Variants in PDGFD observed in about 807,000 individuals in gnomAD.
PDGFD encodes platelet derived growth factor D.
In PDGFD, 30 loss-of-function variants were observed where a neutral mutation model predicts 44.7. The ratio of observed to expected loss-of-function variants is 0.67; its 90% CI spans 0.50 to 0.91. The LOEUF (loss-of-function observed/expected upper bound fraction) is 0.91. PDGFD is among the 40% of genes least tolerant of loss of function. PDGFD has a pLI of 0.00. For synonymous variants in PDGFD, 173 were observed against 168.4 expected, an observed-to-expected ratio of 1.03 and a Z score of -0.21; for missense variants, 445 against 457.8, an observed-to-expected ratio of 0.97 and a Z score of 0.25.
chr11:104,103,665 G>T lies in PDGFD; in HGVS notation c.124+60139C>A, dbSNP rs1223281751. On this transcript the variant is annotated intron_variant, in intron 1 of 6. Coordinates refer to ENST00000393158, the MANE Select transcript of PDGFD (RefSeq NM_025208.5). ...ATATTGGAGCTGAAAATATCCTATT[G>T]CCTAAAGATACTGCAGCCATCCTAA... is the stretch of plus-strand genomic sequence containing the variant. Among the ~76,000 whole-genome samples, 4 of 151,588 alleles carry T rather than the reference G, an allele frequency of 2.6e-5. No individual in the cohort carries two copies. In the East Asian group the frequency reaches 5.8e-4, roughly 22 times the overall value.
At chr11:103,948,688 C>G (rs1858698552) in intron 3 of PDGFD, among the ~76,000 whole-genome samples, 1 of 152,066 alleles carries the variant, frequency 6.6e-6, no homozygotes, top group Admixed American at 6.5e-5. Context: ...GCTTATTTAT[C>G]CAAGTATACC....
intron 1 of PDGFD, among the ~76,000 whole-genome samples, chr11:104,082,052 A>G (rs1861051699): frequency 6.7e-6 from 1 of 149,178 alleles, no homozygotes; most frequent in African/African-American, 2.5e-5. Context: ...TAGAGGTGCC[A>G]GTTATTGCCA....
intron 1 of PDGFD, among the ~76,000 whole-genome samples, chr11:104,120,607 C>T (rs1861764321): frequency 6.6e-6 from 1 of 151,896 alleles, no homozygotes; most frequent in Admixed American, 6.6e-5. Flanking sequence ...TGTATGTTTA[C>T]TATCTCGAGA....
intron 1 of PDGFD, among the ~76,000 whole-genome samples, chr11:104,143,703 A>ATACATC (rs1262126930): frequency 6.6e-6 from 1 of 152,222 alleles, no homozygotes; most frequent in East Asian, 1.9e-4. Flanking sequence ...TTTTACTAGT[A>ATACATC]TACATCTAGC....
intron 1 of PDGFD, among the ~76,000 whole-genome samples, chr11:104,001,260 G>A (rs1356948630): frequency 2.0e-5 from 3 of 152,192 alleles, no homozygotes; most frequent in Non-Finnish European, 4.4e-5. Flanking sequence ...TTTCCCAGGT[G>A]GGGATACACA....
intron 3 of PDGFD, among the ~76,000 whole-genome samples, chr11:103,983,004 A>G (rs1434482465): frequency 6.6e-6 from 1 of 151,886 alleles, no homozygotes; most frequent in East Asian, 1.9e-4. Flanking sequence ...AAAGAAATTT[A>G]TAGATTCAAT....
At chr11:104,087,833 T>C (rs1422565953) in intron 1 of PDGFD, among the ~76,000 whole-genome samples, 1 of 152,198 alleles carries the variant, frequency 6.6e-6, no homozygotes, top group Non-Finnish European at 1.5e-5. Context: ...GCCTAGAGCA[T>C]TTTCATTTGG....
At position 103,948,939 on chromosome 11, in the gene PDGFD, T is replaced by G. The variant is rs531821917; in HGVS notation, c.511-1215A>C. The stretch of plus-strand genomic sequence containing the variant: ...AACAAACCACCATGTATCCCAGAAC[T>G]TAAAGTAAAAAAAGAAAGAAAGAAA... On this transcript the variant is annotated intron_variant, in intron 3 of 6. Coordinates refer to ENST00000393158, the MANE Select transcript of PDGFD (RefSeq NM_025208.5). 4.1e-5 allele frequency among the ~76,000 whole-genome samples: 5 copies of G among 122,868 alleles called. No individual in the cohort carries two copies. In the East Asian group the frequency reaches 1.2e-3, roughly 29 times the overall value. 80.6% of individuals were successfully genotyped at this position (122,868 alleles called of 152,430 possible).
intron 1 of PDGFD, among the ~76,000 whole-genome samples, chr11:104,010,074 A>G (rs2134374010): frequency 6.6e-6 from 1 of 152,320 alleles, no homozygotes; most frequent in East Asian, 1.9e-4. Context: ...AACATCAGAC[A>G]TTTATTTAGA....
intron 1 of PDGFD, among the ~76,000 whole-genome samples, chr11:104,109,887 C>T (rs11226165): frequency 0.23 from 34,808 of 151,918 alleles, 4,312 homozygotes; most frequent in Middle Eastern, 0.46. Context: ...GTATTCTGTG[C>T]TCAGTGCACC....
At chr11:103,970,037 G>A (rs955623983) in intron 3 of PDGFD, among the ~76,000 whole-genome samples, 1 of 151,842 alleles carries the variant, frequency 6.6e-6, no homozygotes, top group African/African-American at 2.4e-5. Flanking sequence ...TTTAAGAGAG[G>A]GGTTAAATTA....
chr11:104,043,017 T>A (rs1860383726), intron 1 of PDGFD, among the ~76,000 whole-genome samples: 1 of 152,028 alleles, frequency 6.6e-6, no homozygotes, highest in South Asian at 2.1e-4. Flanking sequence ...CATTGGCCAA[T>A]ATCATGCAGA....
At chr11:104,098,530 G>T (rs575914612) in intron 1 of PDGFD, among the ~76,000 whole-genome samples, 17 of 148,572 alleles carry the variant, frequency 1.1e-4, no homozygotes, top group Non-Finnish European at 1.9e-4. Flanking sequence ...TTTGAGACAG[G>T]GTCTCCCTCT....
Position 103,909,657 on chromosome 11 carries a change from G to A in PDGFD, c.*37C>T, listed in dbSNP as rs374419014. On this transcript the variant is annotated 3_prime_UTR_variant, in exon 7 of 7. Transcript: ENST00000393158. The stretch of plus-strand genomic sequence containing the variant: ...TTATCTCACCCTCCTTAAACTAAAG[G>A]TTCTTTCAGGCTTAATGTAAGGATG... The A allele has an allele frequency of 3.7e-6, 6 of 1,611,834 alleles. No individual in the cohort carries two copies. The African/African-American group carries it at 5.3e-5, about 14-fold the overall frequency.
At chr11:104,161,456 A>G (rs1360614234) in intron 1 of PDGFD, among the ~76,000 whole-genome samples, 2 of 152,152 alleles carry the variant, frequency 1.3e-5, no homozygotes, top group African/African-American at 4.8e-5. Context: ...GGCCATTAAG[A>G]TTTCCCAAGT....
chr11:104,038,107 A>G (rs541398093), intron 1 of PDGFD: 2 of 1,284,752 alleles, frequency 1.6e-6, no homozygotes, highest in African/African-American at 1.5e-5. Context: ...ATTAAAAAAC[A>G]TCAGTAACAA....
At position 104,163,930 on chromosome 11, in the gene PDGFD, G is replaced by C. The variant is rs1282598642; in HGVS notation, c.-3C>G. 1 of 1,540,836 alleles carries C rather than the reference G, an allele frequency of 6.5e-7. No individual in the cohort carries two copies. The highest frequency in any genetic ancestry group is 8.9e-7 in the Non-Finnish European group (1 of 1,129,700). Reference sequence around the variant, plus strand: ...TAGACAAAGATGAGCCGGTGCATTTGGGATCAGCGACTAGAGACAGCGTCG... The same window carrying C: ...TAGACAAAGATGAGCCGGTGCATTTCGGATCAGCGACTAGAGACAGCGTCG... On this transcript the variant is annotated 5_prime_UTR_variant, in exon 1 of 7. Coordinates refer to ENST00000393158, the MANE Select transcript of PDGFD (RefSeq NM_025208.5).
chr11:103,982,820 C>T (rs1298614962), intron 3 of PDGFD, among the ~76,000 whole-genome samples: 3 of 151,526 alleles, frequency 2.0e-5, no homozygotes, highest in Admixed American at 6.6e-5. Flanking sequence ...TTCACAATTG[C>T]CACAAAAAGA....
intron 1 of PDGFD, among the ~76,000 whole-genome samples, chr11:104,154,638 T>C (rs1028638885): frequency 2.0e-5 from 3 of 152,110 alleles, no homozygotes; most frequent in Non-Finnish European, 4.4e-5. Flanking sequence ...AACATACCTG[T>C]TGGCTGAGGG....
Sources: gnomAD v4.1 joint callset for allele counts (sites outside exome capture counted in the v4.1 genomes callset) on GRCh38, gnomAD v4.1.1 for gene constraint, MANE v1.5 for transcripts, NCBI Gene and HGNC (gene_info 2026-07-23, HGNC 2026-07-21) for gene names.